The following SIPA1L2 variants were observed in gnomAD, a reference collection of about 807,000 sequenced individuals.
The protein encoded by SIPA1L2 is signal induced proliferation associated 1 like 2, also known as signal-induced proliferation-associated 1-like protein 2.
Under a neutral mutation model 163.9 loss-of-function variants are expected in SIPA1L2, and 56 were observed. That is an observed-to-expected ratio of 0.34 (90% CI 0.28 to 0.43). SIPA1L2 has a LOEUF of 0.43. Among genes scored for constraint, SIPA1L2 ranks in the 20% least tolerant of loss-of-function variants. SIPA1L2 has a pLI of 1.00. For synonymous variants in SIPA1L2, 877 were observed against 865.7 expected, an observed-to-expected ratio of 1.01 and a Z score of -0.23; for missense variants, 1,974 against 2,193.5, an observed-to-expected ratio of 0.90 and a Z score of 2.00.
intron 3 of SIPA1L2, among the ~76,000 whole-genome samples, chr1:232,504,304 C>T (rs1052652477): frequency 1.3e-5 from 2 of 152,114 alleles, no homozygotes; most frequent in South Asian, 4.1e-4. Context: ...TTTGGAAGGC[C>T]GAGGCAGGTG....
In SIPA1L2 at chr1:232,442,521, C is replaced by T. The variant is rs557753286; in HGVS notation, c.3438-653G>A. Among the ~76,000 whole-genome samples the T allele has an allele frequency of 1.1e-3, 157 of 145,996 alleles. 1 individual carries two copies. The highest frequency in any genetic ancestry group is 3.6e-3 in the African/African-American group (138 of 38,850). ...CAAGATCATGCCATTGCACTCCAGC[C>T]TGGGCGACAGACCGAGACTCCATCT... On this transcript the variant is annotated intron_variant, in intron 12 of 22. Coordinates refer to ENST00000674635, the MANE Select transcript of SIPA1L2 (RefSeq NM_020808.5).
chr1:232,427,378 T>C (rs932542338), intron 17 of SIPA1L2, among the ~76,000 whole-genome samples: 2 of 152,226 alleles, frequency 1.3e-5, no homozygotes, highest in African/African-American at 2.4e-5. Context: ...ATTAGGTTAA[T>C]TGCAGAATTG....
chr1:232,530,127 T>A (rs983495373), intron 2 of SIPA1L2, among the ~76,000 whole-genome samples: 4 of 152,090 alleles, frequency 2.6e-5, no homozygotes, highest in Non-Finnish European at 4.4e-5. Flanking sequence ...TTATTCTTTT[T>A]TTTTTTTAGA....
intron 1 of SIPA1L2, among the ~76,000 whole-genome samples, chr1:232,575,511 G>A (rs560591635): frequency 4.3e-4 from 66 of 152,288 alleles, no homozygotes; most frequent in African/African-American, 1.6e-3. Context: ...AAGATTTTGT[G>A]CCGTGGTTAG....
intron 1 of SIPA1L2, among the ~76,000 whole-genome samples, chr1:232,602,852 T>C (rs1573157971): frequency 6.6e-6 from 1 of 152,162 alleles, no homozygotes. Context: ...ACCTGAAAGG[T>C]AGCTAGTGAG....
chr1:232,432,531 G>A (rs560993493), intron 15 of SIPA1L2, 60 bp from the exon 16 acceptor site: 164 of 1,520,022 alleles, frequency 1.1e-4, no homozygotes, highest in East Asian at 2.9e-4. Context: ...GCTGGCACAC[G>A]GCCAAATTCA....
chr1:232,621,101 T>A (rs779058302), intron 1 of SIPA1L2, among the ~76,000 whole-genome samples: 3 of 152,224 alleles, frequency 2.0e-5, no homozygotes, highest in Non-Finnish European at 1.5e-5. Flanking sequence ...CTAAAAAAAA[T>A]GTTCTCTGCA....
chr1:232,559,472 T>C (rs1017716012), intron 2 of SIPA1L2, among the ~76,000 whole-genome samples: 1 of 152,144 alleles, frequency 6.6e-6, no homozygotes, highest in Non-Finnish European at 1.5e-5. Context: ...AAAAGAAATA[T>C]GCCAACTCCT....
chr1:232,547,588 T>TGGGGGGGGG (rs58061760), intron 2 of SIPA1L2, among the ~76,000 whole-genome samples: 1 of 2,566 alleles, frequency 3.9e-4, no homozygotes. Flanking sequence ...GGGTGGGGGC[T>TGGGGGGGGG]GGGGGGGGCA....
In SIPA1L2 at chr1:232,524,442, G is replaced by A. The variant is rs576836179; in HGVS notation, c.-269-8834C>T. Among the ~76,000 whole-genome samples, 12 of 152,212 alleles carry A rather than the reference G, an allele frequency of 7.9e-5. No homozygotes were observed. The South Asian group carries it at 2.1e-3, about 26-fold the overall frequency. ...TGCTACAGACAGATGCAAACTGGCA[G>A]CTCTCTTTGAACACCAATAAGGTAA... On this transcript the variant is annotated intron_variant, in intron 2 of 22. Coordinates refer to ENST00000674635, the MANE Select transcript of SIPA1L2 (RefSeq NM_020808.5).
Position 232,465,460 on chromosome 1 carries a change from C to T in SIPA1L2, c.2244-44G>A. 6.6e-7 allele frequency: 1 copy of T among 1,517,456 alleles called. No homozygotes were observed. The highest frequency in any genetic ancestry group is 9.0e-7 in the Non-Finnish European group (1 of 1,116,470). The allele number at this position is 1,517,456 out of a possible 1,614,324, so 94.0% of individuals were successfully genotyped here. ...AAACAAAATGAGATGAGCTATGATA[C>T]CATAATATGTATCTTTCCGAATTTG... On this transcript the variant is annotated intron_variant, in intron 8 of 22. Transcript: ENST00000674635. The surrounding 1 kb of genome is among the most constrained non-coding windows in gnomAD (Gnocchi z 4.1).
At chr1:232,518,689 T>A (rs1667320640) in intron 2 of SIPA1L2, among the ~76,000 whole-genome samples, 1 of 152,022 alleles carries the variant, frequency 6.6e-6, no homozygotes. Flanking sequence ...CACAACATAC[T>A]CCCATGGTGT....
chr1:232,562,505 T>A (rs776116945), intron 2 of SIPA1L2, among the ~76,000 whole-genome samples: 4 of 152,214 alleles, frequency 2.6e-5, no homozygotes, highest in Non-Finnish European at 4.4e-5. Flanking sequence ...AAAAGAATCA[T>A]AAATAATACC....
At chr1:232,582,147 T>C (rs1406365547) in intron 1 of SIPA1L2, among the ~76,000 whole-genome samples, 1 of 152,114 alleles carries the variant, frequency 6.6e-6, no homozygotes, top group East Asian at 1.9e-4. Flanking sequence ...TCATGATTAA[T>C]TTCATTCACT....
chr1:232,591,734 G>A (rs1660973023), intron 1 of SIPA1L2, among the ~76,000 whole-genome samples: 1 of 152,216 alleles, frequency 6.6e-6, no homozygotes, highest in Admixed American at 6.5e-5. Flanking sequence ...GACAAGGAGA[G>A]AGGAAAATGC....
At chr1:232,623,026 T>C (rs1662897060) in intron 1 of SIPA1L2, among the ~76,000 whole-genome samples, 1 of 152,192 alleles carries the variant, frequency 6.6e-6, no homozygotes, top group South Asian at 2.1e-4. Flanking sequence ...GTTTGCTGCT[T>C]ATGTTCCATT....
At chr1:232,447,553 C>T (rs957244843) in intron 10 of SIPA1L2, among the ~76,000 whole-genome samples, 3 of 152,232 alleles carry the variant, frequency 2.0e-5, no homozygotes, top group African/African-American at 7.2e-5. Context: ...CTTCAGTGGT[C>T]CCTCACCACT....
intron 1 of SIPA1L2, among the ~76,000 whole-genome samples, chr1:232,600,595 T>A (rs1328902641): frequency 6.6e-6 from 1 of 152,188 alleles, no homozygotes; most frequent in Non-Finnish European, 1.5e-5. Flanking sequence ...TGTCTGTTTA[T>A]ACAACTTCTA....
intron 1 of SIPA1L2, among the ~76,000 whole-genome samples, chr1:232,607,743 A>G (rs1662004632): frequency 1.3e-5 from 2 of 149,998 alleles, no homozygotes; most frequent in African/African-American, 4.9e-5. Context: ...CTTATTTCCC[A>G]TATTTCACCT....
Sources: gnomAD v4.1 joint callset for allele counts (sites outside exome capture counted in the v4.1 genomes callset) on GRCh38, gnomAD v4.1.1 for gene constraint, Gnocchi (gnomAD v3.1) non-coding constraint, MANE v1.5 for transcripts, NCBI Gene and HGNC (gene_info 2026-07-23, HGNC 2026-07-21) for gene names.